Variants in SYN3 observed in about 807,000 individuals in gnomAD.
SYN3 encodes synapsin-3.
Under a neutral mutation model 65.8 loss-of-function variants are expected in SYN3, and 35 were observed. The observed-to-expected ratio is 0.53, with a 90% CI of 0.41 to 0.70. SYN3 has a LOEUF of 0.70. SYN3 is among the 30% of genes least tolerant of loss of function. SYN3 has a pLI of 0.00. For missense variants in SYN3, 680 were observed against 749.0 expected (o/e 0.91, Z 1.08); for synonymous variants, 270 against 292.9 (o/e 0.92, Z 0.80).
At chr22:32,723,117 C>G (rs1368639454) in intron 6 of SYN3, among the ~76,000 whole-genome samples, 1 of 152,160 alleles carries the variant, frequency 6.6e-6, no homozygotes, top group East Asian at 1.9e-4. Flanking sequence ...TGAGATCACA[C>G]CTACTGCGCC....
intron 8 of SYN3, among the ~76,000 whole-genome samples, chr22:32,539,662 T>A (rs141456884): frequency 1.7e-3 from 263 of 151,996 alleles, no homozygotes; most frequent in African/African-American, 4.7e-3. Context: ...TACACTGAAG[T>A]CTGACATGAA....
intron 1 of SYN3, among the ~76,000 whole-genome samples, chr22:33,052,934 G>A (rs1199722746): frequency 6.6e-6 from 1 of 152,192 alleles, no homozygotes; most frequent in Non-Finnish European, 1.5e-5. Flanking sequence ...AACCTACAAA[G>A]GGAGCATGGA....
intron 3 of SYN3, among the ~76,000 whole-genome samples, chr22:32,941,003 T>C (rs1447483672): frequency 2.6e-5 from 4 of 152,216 alleles, no homozygotes; most frequent in Non-Finnish European, 4.4e-5. Context: ...AGCAATATGA[T>C]TGACTAGACA....
rs923531954 is a variant in SYN3, at chr22:32,845,402, G to C, written c.711+19513C>G. 1.4e-3 allele frequency among the ~76,000 whole-genome samples: 207 copies of C among 152,128 alleles called. 1 individual carries two copies. Among genetic ancestry groups the C allele is most frequent in the African/African-American group, 4.7e-3 (194 of 41,498 alleles). On this transcript the variant is annotated intron_variant, in intron 6 of 13. Coordinates refer to ENST00000358763, the MANE Select transcript of SYN3 (RefSeq NM_003490.4). ...AGATGGGGTTTCACCATGCTGGCCA[G>C]GATGGTCTCAATCTCTTGACCTCGT...
At chr22:32,779,994 C>T (rs1237110870) in intron 6 of SYN3, among the ~76,000 whole-genome samples, 2 of 139,070 alleles carry the variant, frequency 1.4e-5, no homozygotes, top group Admixed American at 8.1e-5. Flanking sequence ...GAGAAATGGC[C>T]TGCCCTAAAG....
At chr22:32,720,782 C>T (rs2061106882) in intron 6 of SYN3, among the ~76,000 whole-genome samples, 1 of 152,174 alleles carries the variant, frequency 6.6e-6, no homozygotes, top group Non-Finnish European at 1.5e-5. Context: ...TTAGGCATTG[C>T]CTGACTTGGC....
At chr22:32,944,547 A>T (rs1001554048) in intron 3 of SYN3, among the ~76,000 whole-genome samples, 1 of 152,202 alleles carries the variant, frequency 6.6e-6, no homozygotes, top group Non-Finnish European at 1.5e-5. Flanking sequence ...TGTATCTCAA[A>T]ATAATAAGAG....
chr22:32,976,960 T>C (rs2052208478), intron 3 of SYN3, among the ~76,000 whole-genome samples: 1 of 151,124 alleles, frequency 6.6e-6, no homozygotes, highest in South Asian at 2.1e-4. Context: ...TCCTGAGACT[T>C]TTCCCAAGTG....
chr22:32,868,224 A>G (rs1332938104), intron 5 of SYN3, among the ~76,000 whole-genome samples: 2 of 152,112 alleles, frequency 1.3e-5, no homozygotes, highest in Non-Finnish European at 2.9e-5. Flanking sequence ...AATATGGTGC[A>G]TCTTTATGAC....
At chr22:32,819,268 A>G (rs993113418) in intron 6 of SYN3, among the ~76,000 whole-genome samples, 3 of 152,234 alleles carry the variant, frequency 2.0e-5, no homozygotes, top group Non-Finnish European at 4.4e-5. Context: ...GCAGATCCCC[A>G]GGACCAAAGG....
At chr22:33,012,225 T>C (rs2053367496) in intron 1 of SYN3, among the ~76,000 whole-genome samples, 1 of 152,224 alleles carries the variant, frequency 6.6e-6, no homozygotes, top group African/African-American at 2.4e-5. Flanking sequence ...TCATTATCAT[T>C]CATTTTAAAT....
chr22:32,666,055 GCTTTCTCATCTTTCACACCTCA>G (rs2060285618), intron 6 of SYN3, among the ~76,000 whole-genome samples: 2 of 152,120 alleles, frequency 1.3e-5, no homozygotes, highest in African/African-American at 2.4e-5. Context: ...CTCTCTCGAT[GCTTTCTCATCTTTCACACCTCA>G]CACCCAATCC....
intron 6 of SYN3, among the ~76,000 whole-genome samples, chr22:32,734,323 C>T (rs2061309065): frequency 6.6e-6 from 1 of 152,334 alleles, no homozygotes; most frequent in African/African-American, 2.4e-5. Flanking sequence ...TCATCTTAAC[C>T]ACCACCTTCA....
chr22:32,790,387 A>T (rs1197700594), intron 6 of SYN3, among the ~76,000 whole-genome samples: 1 of 149,078 alleles, frequency 6.7e-6, no homozygotes, highest in African/African-American at 2.5e-5. Context: ...TAGTTATAAC[A>T]TTATATAATT....
At chr22:32,998,791 A>AAAAAAAAAC (rs1556121671) in intron 2 of SYN3, among the ~76,000 whole-genome samples, 40 of 142,112 alleles carry the variant, frequency 2.8e-4, no homozygotes, top group Non-Finnish European at 3.8e-4. Flanking sequence ...AAAAAAAAAA[A>AAAAAAAAAC]AAAAAAAACA....
chr22:32,716,758 A>C (rs2147271341), intron 6 of SYN3, among the ~76,000 whole-genome samples: 1 of 152,260 alleles, frequency 6.6e-6, no homozygotes, highest in African/African-American at 2.4e-5. Flanking sequence ...CCTGAGCTCA[A>C]GTAATCCACC....
intron 1 of SYN3, among the ~76,000 whole-genome samples, chr22:33,027,524 G>A (rs186250195): frequency 6.6e-6 from 1 of 152,060 alleles, no homozygotes; most frequent in African/African-American, 2.4e-5. Flanking sequence ...TTGAACCCAG[G>A]AGGTAGAGTT....
At chr22:32,672,580 C>T (rs1025948102) in intron 6 of SYN3, among the ~76,000 whole-genome samples, 1 of 152,206 alleles carries the variant, frequency 6.6e-6, no homozygotes, top group South Asian at 2.1e-4. Flanking sequence ...TTTGCTATCT[C>T]TCTGATCTCT....
At chr22:32,527,241 T>C (rs1216105409) in intron 12 of SYN3, among the ~76,000 whole-genome samples, 1 of 152,222 alleles carries the variant, frequency 6.6e-6, no homozygotes. Flanking sequence ...AAACACTTCC[T>C]AGGTTTGAAA....
Sources: allele counts gnomAD v4.1 joint callset (sites outside exome capture counted in the v4.1 genomes callset), GRCh38; gene constraint gnomAD v4.1.1; transcripts MANE v1.5; gene names NCBI Gene and HGNC (gene_info 2026-07-23, HGNC 2026-07-21).